Variants in ERBB4 observed in about 807,000 individuals in gnomAD.
The protein encoded by ERBB4 is receptor tyrosine-protein kinase erbB-4.
In ERBB4, 42 loss-of-function variants were observed where a neutral mutation model predicts 158.0. That is an observed-to-expected ratio of 0.27 (90% CI 0.21 to 0.34). The LOEUF is 0.34. ERBB4 is among the 10% of genes least tolerant of loss of function. The pLI, the probability that ERBB4 is intolerant of heterozygous loss-of-function variation, is 1.00. For synonymous variants in ERBB4, 583 were observed against 558.7 expected, an observed-to-expected ratio of 1.04 and a Z score of -0.61; for missense variants, 1,333 against 1,624.1, an observed-to-expected ratio of 0.82 and a Z score of 3.08.
At chr2:212,110,231 T>C (rs1276743021) in intron 2 of ERBB4, among the ~76,000 whole-genome samples, 1 of 152,238 alleles carries the variant, frequency 6.6e-6, no homozygotes, top group Non-Finnish European at 1.5e-5. Flanking sequence ...TGGAAAACAC[T>C]GTGGAGCTCA....
intron 3 of ERBB4, among the ~76,000 whole-genome samples, chr2:211,832,852 TTATA>T (rs751792414): frequency 1.4e-5 from 2 of 147,682 alleles, no homozygotes; most frequent in African/African-American, 4.9e-5. Flanking sequence ...TATATATAGT[TTATA>T]TATATATAAA....
chr2:212,253,600 T>C (rs1416449133), intron 1 of ERBB4, among the ~76,000 whole-genome samples: 1 of 152,154 alleles, frequency 6.6e-6, no homozygotes, highest in Non-Finnish European at 1.5e-5. Context: ...GATTTCAGGT[T>C]TTGCCCATGC....
chr2:211,535,530 TTC>T, intron 20 of ERBB4: 1 of 152,084 alleles, frequency 6.6e-6, no homozygotes, highest in Middle Eastern at 3.4e-3. Context: ...GAATAATGTA[TTC>T]TCTCTAGTGC....
chr2:212,028,852 A>G (rs1332934075), intron 2 of ERBB4, among the ~76,000 whole-genome samples: 1 of 152,092 alleles, frequency 6.6e-6, no homozygotes, highest in Non-Finnish European at 1.5e-5. Context: ...GTGAATTTTT[A>G]TTGCAAAAAG....
intron 1 of ERBB4, among the ~76,000 whole-genome samples, chr2:212,214,941 G>T (rs1408184499): frequency 6.6e-6 from 1 of 151,426 alleles, no homozygotes; most frequent in African/African-American, 2.4e-5. Flanking sequence ...TAAAATACTG[G>T]TACTTAATCT....
intron 3 of ERBB4, among the ~76,000 whole-genome samples, chr2:211,918,819 C>A (rs781584842): frequency 2.4e-4 from 37 of 152,220 alleles, no homozygotes; most frequent in Non-Finnish European, 4.9e-4. Flanking sequence ...TTTTTGCCTG[C>A]ATCCTTGAGA....
At chr2:211,665,942 T>C (rs1380295744) in intron 14 of ERBB4, among the ~76,000 whole-genome samples, 3 of 152,210 alleles carry the variant, frequency 2.0e-5, no homozygotes, top group Admixed American at 6.5e-5. Flanking sequence ...CCACTGGGAA[T>C]ATGTGAATAC....
intron 1 of ERBB4, among the ~76,000 whole-genome samples, chr2:212,196,299 C>T (rs1278635823): frequency 6.6e-6 from 1 of 151,890 alleles, no homozygotes; most frequent in Non-Finnish European, 1.5e-5. Context: ...AATATATTTA[C>T]TATATTCATT....
At position 211,889,051 on chromosome 2, in the gene ERBB4, C is replaced by T. The variant is rs1229057890; in HGVS notation, c.421+58379G>A. ...TCGAACTGGGTAGAGCCCACCACAG[C>T]TCAAGAAGGCCTGCCTGCCTCTGTA... On this transcript the variant is annotated intron_variant, in intron 3 of 27. Transcript: ENST00000342788. Among the ~76,000 whole-genome samples, 8 of 141,966 alleles carry T rather than the reference C, an allele frequency of 5.6e-5. 1 individual carries two copies. Among genetic ancestry groups the T allele is most frequent in the Non-Finnish European group, 1.2e-4 (8 of 66,098 alleles). The allele number at this position is 141,966 out of a possible 152,430, so 93.1% of individuals were successfully genotyped here.
At chr2:212,203,557 T>C (rs529753167) in intron 1 of ERBB4, among the ~76,000 whole-genome samples, 51 of 152,314 alleles carry the variant, frequency 3.3e-4, no homozygotes, top group Non-Finnish European at 2.8e-4. Flanking sequence ...TAACATGATC[T>C]GAACAACTTT....
intron 19 of ERBB4, among the ~76,000 whole-genome samples, chr2:211,596,385 GA>G (rs777452580): frequency 8.5e-5 from 13 of 152,110 alleles, no homozygotes; most frequent in Non-Finnish European, 1.6e-4. Flanking sequence ...AAAATAAGAC[GA>G]ATATATTCTG....
At chr2:212,137,519 G>A (rs1045362994) in intron 1 of ERBB4, among the ~76,000 whole-genome samples, 3 of 152,010 alleles carry the variant, frequency 2.0e-5, no homozygotes, top group African/African-American at 7.2e-5. Flanking sequence ...GTTCTTTTTT[G>A]TAGCTGCATA....
intron 3 of ERBB4, among the ~76,000 whole-genome samples, chr2:211,827,826 T>C (rs187686255): frequency 6.6e-6 from 1 of 152,210 alleles, no homozygotes; most frequent in African/African-American, 2.4e-5. Flanking sequence ...TGCAATTATT[T>C]TATTTTTATT....
rs1166829385 is a variant in ERBB4, at chr2:212,286,610, T to TTG, written c.83-161708_83-161707insCA. On this transcript the variant is annotated intron_variant, in intron 1 of 27. Transcript: ENST00000342788. ...AAGTGCTGACTTTTTTTTTTTTTTT[T>TTG]TTTTTTTTTTGACACAGAGTCTCGC... Among the ~76,000 whole-genome samples, 52 of 134,670 alleles carry TTG rather than the reference T, an allele frequency of 3.9e-4. 3 individuals carry two copies. The highest frequency in any genetic ancestry group is 6.6e-4 in the Non-Finnish European group (42 of 63,808). The allele number at this position is 134,670 out of a possible 152,430, so 88.3% of individuals were successfully genotyped here. A position where few individuals can be genotyped will look rare whatever the true frequency, so the allele number is the denominator to read the frequency against.
At chr2:212,219,374 A>G (rs753464206) in intron 1 of ERBB4, among the ~76,000 whole-genome samples, 3 of 151,442 alleles carry the variant, frequency 2.0e-5, no homozygotes, top group Non-Finnish European at 4.4e-5. Flanking sequence ...ATTCTGATGC[A>G]CACATAATAC....
At chr2:211,925,527 A>T (rs930120763) in intron 3 of ERBB4, among the ~76,000 whole-genome samples, 53 of 150,374 alleles carry the variant, frequency 3.5e-4, no homozygotes, top group African/African-American at 1.2e-3. Context: ...GATTACAGGC[A>T]CCCGCCACAC....
intron 3 of ERBB4, among the ~76,000 whole-genome samples, chr2:211,820,868 AG>A (rs1461143406): frequency 6.6e-6 from 1 of 151,750 alleles, no homozygotes; most frequent in Non-Finnish European, 1.5e-5. Flanking sequence ...GCAGAAAATC[AG>A]GATAAGAACT....
chr2:212,286,763 G>A (rs1188287427), intron 1 of ERBB4, among the ~76,000 whole-genome samples: 3 of 11,750 alleles, frequency 2.6e-4, no homozygotes, highest in African/African-American at 6.5e-4. Context: ...CACCATGAGG[G>A]TTAATTTTTT....
chr2:211,867,997 A>T (rs577133646), intron 3 of ERBB4, among the ~76,000 whole-genome samples: 1 of 152,322 alleles, frequency 6.6e-6, no homozygotes, highest in Admixed American at 6.5e-5. Flanking sequence ...CAAGAATGGG[A>T]TAAGATCCAT....
Sources: allele counts gnomAD v4.1 joint callset (sites outside exome capture counted in the v4.1 genomes callset), GRCh38; gene constraint gnomAD v4.1.1; transcripts MANE v1.5; gene names NCBI Gene and HGNC (gene_info 2026-07-23, HGNC 2026-07-21).